The following KATNB1 variants were observed in gnomAD, a reference collection of about 807,000 sequenced individuals.
KATNB1 encodes the protein katanin regulatory subunit B1.
In KATNB1, 38 loss-of-function variants were observed where a neutral mutation model predicts 82.3. The ratio of observed to expected loss-of-function variants is 0.46; its 90% CI spans 0.36 to 0.61. The LOEUF (loss-of-function observed/expected upper bound fraction) is 0.61. KATNB1 is among the 20% of genes least tolerant of loss of function. The pLI is 0.00. For missense variants in KATNB1, 749 were observed against 915.7 expected (o/e 0.82, Z 2.35); for synonymous variants, 361 against 368.7 (o/e 0.98, Z 0.24).
At chr16:57,741,256 A>C (rs2049139525) in intron 2 of KATNB1, among the ~76,000 whole-genome samples, 1 of 152,168 alleles carries the variant, frequency 6.6e-6, no homozygotes, top group African/African-American at 2.4e-5. Flanking sequence ...TGCATGGGTC[A>C]ATTTTTTTTA....
chr16:57,741,617 AG>A lies in KATNB1; in HGVS notation c.41-67del. On this transcript the variant is annotated intron_variant, in intron 2 of 19. Coordinates refer to ENST00000379661, the MANE Select transcript of KATNB1 (RefSeq NM_005886.3). The stretch of plus-strand genomic sequence containing the variant: ...CAGGTTCCAAAGCGGGTAGCCGAGC[AG>A]GGTCACCCCTCCTTCACAAGGCCCC... The A allele has an allele frequency of 2.0e-6, 3 of 1,527,966 alleles. No homozygotes were observed. The South Asian group carries it at 3.7e-5, about 19-fold the overall frequency. 94.7% of individuals were successfully genotyped at this position (1,527,966 alleles called of 1,614,324 possible). A position where few individuals can be genotyped will look rare whatever the true frequency, so the allele number is the denominator to read the frequency against.
At chr16:57,741,604 CG>C in intron 2 of KATNB1, 82 bp from the exon 3 acceptor site, 2 of 1,463,102 alleles carry the variant, frequency 1.4e-6, no homozygotes, top group Non-Finnish European at 1.9e-6. Flanking sequence ...GGTTCCAAAG[CG>C]GGTAGCCGAG....
Position 57,748,207 on chromosome 16 carries a change from G to A in KATNB1, c.290-2620G>A, listed in dbSNP as rs546627486. ...TTGTCTGTTCTGCCATTGGATGGAA[G>A]AGAAACTTGCCATCAGCACAGCAGG... On this transcript the variant is annotated intron_variant, in intron 4 of 19. Transcript: ENST00000379661. 3.9e-5 allele frequency among the ~76,000 whole-genome samples: 6 copies of A among 152,306 alleles called. No individual in the cohort carries two copies. In the South Asian group the frequency reaches 1.2e-3, roughly 32 times the overall value.
intron 4 of KATNB1, among the ~76,000 whole-genome samples, chr16:57,748,633 C>T (rs1426216989): frequency 1.3e-5 from 2 of 152,150 alleles, no homozygotes; most frequent in Non-Finnish European, 2.9e-5. Context: ...CTCCACTCTG[C>T]AGTTCCTAGA....
chr16:57,753,823 G>A (rs782257092), intron 12 of KATNB1, 122 bp from the exon 13 acceptor site: 151 of 915,148 alleles, frequency 1.7e-4, no homozygotes, highest in Middle Eastern at 3.2e-4. Flanking sequence ...CAGGAGCAGG[G>A]TCCACAGTCT....
At chr16:57,746,392 A>G (rs1188365106) in intron 4 of KATNB1, among the ~76,000 whole-genome samples, 2 of 151,474 alleles carry the variant, frequency 1.3e-5, no homozygotes, top group Non-Finnish European at 2.9e-5. Flanking sequence ...CTGTCTCTGC[A>G]GGCTTTTAGG....
chr16:57,752,452 G>C (rs1351604291), intron 8 of KATNB1, 78 bp from the exon 9 acceptor site: 1 of 1,341,668 alleles, frequency 7.5e-7, no homozygotes, highest in Non-Finnish European at 1.0e-6. Flanking sequence ...GGTTTCTAGA[G>C]AAAAGCTGGC....
intron 11 of KATNB1, 56 bp downstream of exon 11, chr16:57,753,323 C>G: frequency 6.3e-7 from 1 of 1,579,096 alleles, no homozygotes; most frequent in East Asian, 2.3e-5. Context: ...CAGGGGAAGC[C>G]TCGGAGTTCC....
chr16:57,742,738 C>A (rs147854869), intron 3 of KATNB1, among the ~76,000 whole-genome samples: 1 of 152,200 alleles, frequency 6.6e-6, no homozygotes, highest in Non-Finnish European at 1.5e-5. Context: ...AGGTTGTTTC[C>A]GGCTTTTTTT....
chr16:57,755,538 C>CCCTGCCA lies in KATNB1; in HGVS notation c.1566+51_1566+57dup, dbSNP rs1567903850. 4 of 1,591,808 alleles carry CCCTGCCA rather than the reference C, an allele frequency of 2.5e-6. No individual in the cohort carries two copies. The South Asian group carries it at 3.4e-5, about 13-fold the overall frequency. ...ACAGGGCCTCATCTCGCCCCCCTGC[C>CCCTGCCA]CCTGCCACCTGCCTGCCCGGGCTTG... On this transcript the variant is annotated intron_variant, in intron 16 of 19. Transcript: ENST00000379661.
At chr16:57,749,718 G>A (rs1555582487) in intron 4 of KATNB1, among the ~76,000 whole-genome samples, 1 of 152,216 alleles carries the variant, frequency 6.6e-6, no homozygotes, top group African/African-American at 2.4e-5. Context: ...CACAAGGTTT[G>A]CCTCCAGGCT....
intron 2 of KATNB1, among the ~76,000 whole-genome samples, chr16:57,740,907 C>G (rs2049137263): frequency 6.6e-6 from 1 of 152,238 alleles, no homozygotes; most frequent in African/African-American, 2.4e-5. Flanking sequence ...CCGAGCCTGC[C>G]CAATGTCACG....
At position 57,754,943 on chromosome 16, in the gene KATNB1, A is replaced by C; in HGVS notation, c.1242A>C (p.Ala414=). ...PAPPEDDAAT[A]KEAAKPSPAM... ...TTTTGCCTCCAGACGCAGCCACAGCAAAGGAGGCAGCAAAGCCCAGCCCTG... is the reference window on the plus strand; with the variant it reads ...TTTTGCCTCCAGACGCAGCCACAGCCAAGGAGGCAGCAAAGCCCAGCCCTG... The change falls in exon 14 of 20, where the codon GCA becomes GCC. Residue 414 remains alanine, a synonymous_variant. Coordinates refer to ENST00000379661, the MANE Select transcript of KATNB1 (RefSeq NM_005886.3). 1 of 1,614,076 alleles carries C rather than the reference A, an allele frequency of 6.2e-7. No individual in the cohort carries two copies. The highest frequency in any genetic ancestry group is 2.2e-5 in the East Asian group (1 of 44,888).
chr16:57,750,662 G>C (rs952491379), intron 4 of KATNB1, among the ~76,000 whole-genome samples, 165 bp from the exon 5 acceptor site: 1 of 152,134 alleles, frequency 6.6e-6, no homozygotes, highest in Non-Finnish European at 1.5e-5. Flanking sequence ...TTGTTAGGGT[G>C]GTGGGACCCT....
chr16:57,753,384 C>A lies in KATNB1; in HGVS notation c.1047-5C>A. The A allele has an allele frequency of 6.2e-7, 1 of 1,611,252 alleles. No individual in the cohort carries two copies. The highest frequency in any genetic ancestry group is 2.2e-5 in the East Asian group (1 of 44,808). On this transcript the variant is annotated splice_region_variant and splice_polypyrimidine_tract_variant and intron_variant, in intron 11 of 19. Coordinates refer to ENST00000379661, the MANE Select transcript of KATNB1 (RefSeq NM_005886.3). ...CTTCCGTTGGGCTTGGCCTCACGCT[C>A]CCAGGGTGAAGCAGAACTCAGAGAG...
At chr16:57,736,772 GGGA>G (rs2049103253) in intron 1 of KATNB1, 1 of 346,468 alleles carries the variant, frequency 2.9e-6, no homozygotes, top group Non-Finnish European at 5.7e-6. Flanking sequence ...CCTGGCCTCT[GGGA>G]GGAGTTTCTT....
At position 57,752,982 on chromosome 16, in the gene KATNB1, CCT is replaced by C; in HGVS notation, c.855+56_855+57del. 14 of 1,595,526 alleles carry C rather than the reference CCT, an allele frequency of 8.8e-6. 2 individuals carry two copies. In the South Asian group the frequency reaches 1.5e-4, roughly 18 times the overall value. ...CCACTCCCACAGGGCCACCCGCCTCCCTCCAGCCCAGGCCCCTCCTCCTACCC... is the reference window on the plus strand; with the variant it reads ...CCACTCCCACAGGGCCACCCGCCTCCCCAGCCCAGGCCCCTCCTCCTACCC... On this transcript the variant is annotated intron_variant, in intron 10 of 19. Transcript: ENST00000379661.
At position 57,741,722 on chromosome 16, in the gene KATNB1, C is replaced by T. The variant is rs756199431; in HGVS notation, c.76C>T (p.Leu26=). Residue 26 remains leucine (L), a synonymous_variant, in exon 3 of 20, where the codon CTG becomes TTG. Transcript: ENST00000379661. ...CGCGCATGCCAGCAACGTGTCCTCA[C>T]TGGTGCTGGGCAAAGCCTCCGGGCG... ...IVAHASNVSS[L]VLGKASGRLL... is the part of the protein sequence containing the mutation. The T allele has an allele frequency of 5.6e-5, 91 of 1,614,036 alleles. No homozygotes were observed. The highest frequency in any genetic ancestry group is 4.7e-5 in the Non-Finnish European group (56 of 1,180,040).
At chr16:57,753,034 C>T in intron 10 of KATNB1, 43 bp from the exon 11 acceptor site, 1 of 1,588,046 alleles carries the variant, frequency 6.3e-7, no homozygotes, top group Non-Finnish European at 8.5e-7. Context: ...GGATTTTGCC[C>T]CCTCGGCTTG....
Sources: gnomAD v4.1 joint callset for allele counts (sites outside exome capture counted in the v4.1 genomes callset) on GRCh38, gnomAD v4.1.1 for gene constraint, MANE v1.5 for transcripts, NCBI Gene and HGNC (gene_info 2026-07-23, HGNC 2026-07-21) for gene names.